The following HECW1 variants were observed in gnomAD, a reference collection of about 807,000 sequenced individuals.
HECW1 encodes E3 ubiquitin-protein ligase HECW1.
Under a neutral mutation model 182.3 loss-of-function variants are expected in HECW1, and 61 were observed. That is an observed-to-expected ratio of 0.33 (90% CI 0.27 to 0.41). The LOEUF (loss-of-function observed/expected upper bound fraction) is 0.41, where lower values mean the gene tolerates loss of function less well. Ranked by LOEUF, HECW1 falls within the 10% of genes least tolerant of loss-of-function variation. HECW1 has a pLI of 1.00. For synonymous variants in HECW1, 859 were observed against 832.6 expected, an observed-to-expected ratio of 1.03 and a Z score of -0.55; for missense variants, 1,739 against 2,108.9, an observed-to-expected ratio of 0.82 and a Z score of 3.44.
chr7:43,472,257 GA>G (rs2078051713), intron 16 of HECW1, among the ~76,000 whole-genome samples: 1 of 152,014 alleles, frequency 6.6e-6, no homozygotes, highest in Non-Finnish European at 1.5e-5. Flanking sequence ...TGCAAAAACT[GA>G]AAAAAGAAAA....
At chr7:43,188,854 C>T (rs1793645433) in intron 2 of HECW1, among the ~76,000 whole-genome samples, 1 of 152,154 alleles carries the variant, frequency 6.6e-6, no homozygotes, top group South Asian at 2.1e-4. Flanking sequence ...ACCCTCCTGC[C>T]ATCTTGTCAT....
chr7:43,510,934 C>G (rs957597830), intron 24 of HECW1: 1 of 152,326 alleles, frequency 6.6e-6, no homozygotes, highest in Non-Finnish European at 1.5e-5. Context: ...GCCTCCGTCA[C>G]TTTCCACAGT....
chr7:43,552,370 C>T (rs763574001), intron 28 of HECW1, 34 bp downstream of exon 28: 3 of 1,247,114 alleles, frequency 2.4e-6, no homozygotes, highest in Non-Finnish European at 3.5e-6. Flanking sequence ...ATGCAATGAT[C>T]ACAAATAGAA....
chr7:43,370,402 G>A (rs887408700), intron 6 of HECW1, among the ~76,000 whole-genome samples: 3 of 152,206 alleles, frequency 2.0e-5, no homozygotes, highest in Admixed American at 6.5e-5. Context: ...ATTGCTGGTG[G>A]AAATGCAAAA....
At position 43,565,056 on chromosome 7, in the gene HECW1, A is replaced by T. The variant is rs2082297933; in HGVS notation, c.*3130A>T. 1.0e-5 allele frequency: 2 copies of T among 192,618 alleles called. No homozygotes were observed. Among genetic ancestry groups the T allele is most frequent in the Non-Finnish European group, 2.2e-5 (2 of 92,440 alleles). 11.9% of individuals were successfully genotyped at this position (192,618 alleles called of 1,614,324 possible). On this transcript the variant is annotated 3_prime_UTR_variant, in exon 30 of 30. Coordinates refer to ENST00000395891, the MANE Select transcript of HECW1 (RefSeq NM_015052.5). ...GAAGATTTATGTTACAACTTTGAAA[A>T]ATGCTTTTAAAATTCTATAAAGTGT...
intron 6 of HECW1, among the ~76,000 whole-genome samples, chr7:43,365,832 G>A (rs1008196271): frequency 2.0e-5 from 3 of 152,114 alleles, no homozygotes; most frequent in Non-Finnish European, 4.4e-5. Context: ...AGTGGCTCAC[G>A]CCTGTAATCC....
At chr7:43,181,366 G>C (rs1014998852) in intron 2 of HECW1, among the ~76,000 whole-genome samples, 2 of 150,898 alleles carry the variant, frequency 1.3e-5, no homozygotes, top group Non-Finnish European at 2.9e-5. Context: ...TTCAGCAGTG[G>C]GATTGCTGGA....
At chr7:43,401,344 A>G (rs1368959893) in intron 7 of HECW1, among the ~76,000 whole-genome samples, 1 of 152,202 alleles carries the variant, frequency 6.6e-6, no homozygotes, top group African/African-American at 2.4e-5. Flanking sequence ...GGCAAAGTCC[A>G]AAAAGGACGA....
chr7:43,359,135 T>G (rs1343557472), intron 5 of HECW1, among the ~76,000 whole-genome samples: 3 of 152,202 alleles, frequency 2.0e-5, no homozygotes, highest in Admixed American at 6.5e-5. Flanking sequence ...CCATATCTTT[T>G]AACCTAAAGA....
intron 2 of HECW1, among the ~76,000 whole-genome samples, chr7:43,201,179 C>A (rs1473012205): frequency 6.6e-6 from 1 of 152,172 alleles, no homozygotes; most frequent in Non-Finnish European, 1.5e-5. Context: ...ATCAAAATGT[C>A]CCTTGACTGG....
intron 7 of HECW1, among the ~76,000 whole-genome samples, chr7:43,398,193 G>T (rs754497766): frequency 1.6e-4 from 25 of 152,074 alleles, no homozygotes; most frequent in Non-Finnish European, 3.2e-4. Context: ...GGAGGTGGAG[G>T]TTGCAGTGAG....
At chr7:43,279,318 T>G (rs1803587161) in intron 3 of HECW1, among the ~76,000 whole-genome samples, 1 of 152,220 alleles carries the variant, frequency 6.6e-6, no homozygotes. Context: ...AGGGATTACC[T>G]TACAGTTTCA....
intron 2 of HECW1, among the ~76,000 whole-genome samples, chr7:43,222,777 G>A (rs1291777432): frequency 6.6e-6 from 1 of 152,120 alleles, no homozygotes; most frequent in Non-Finnish European, 1.5e-5. Flanking sequence ...TTCCTTTGCA[G>A]GCTCCTCCTT....
At chr7:43,188,426 C>T (rs938182974) in intron 2 of HECW1, among the ~76,000 whole-genome samples, 1 of 152,110 alleles carries the variant, frequency 6.6e-6, no homozygotes, top group African/African-American at 2.4e-5. Context: ...AACTCAAGCA[C>T]ACCATCTACA....
rs113240115 is a variant in HECW1 at position 43,336,872 on chromosome 7, G to T, written c.460+16130G>T. 8.3e-3 allele frequency among the ~76,000 whole-genome samples: 1,263 copies of T among 152,212 alleles called. 19 individuals carry two copies. Among genetic ancestry groups the T allele is most frequent in the Non-Finnish European group, 8.4e-3 (572 of 68,008 alleles). ...CAGCTCCATCCACGTTGCTGCGAAG[G>T]ACATGATTTTATGTTTTATGGCTGT... On this transcript the variant is annotated intron_variant, in intron 5 of 29. Coordinates refer to ENST00000395891, the MANE Select transcript of HECW1 (RefSeq NM_015052.5).
At chr7:43,525,266 A>G (rs1346137021) in intron 24 of HECW1, among the ~76,000 whole-genome samples, 1 of 152,262 alleles carries the variant, frequency 6.6e-6, no homozygotes, top group Non-Finnish European at 1.5e-5. Context: ...TGGAACTATT[A>G]TTTAAATTAC....
intron 4 of HECW1, among the ~76,000 whole-genome samples, chr7:43,314,471 T>G (rs1584445525): frequency 6.9e-6 from 1 of 144,850 alleles, no homozygotes; most frequent in Admixed American, 6.9e-5. Context: ...GAAGAGGAGG[T>G]GGTGAAGGGG....
At position 43,323,597 on chromosome 7, in the gene HECW1, C is replaced by A. The variant is rs776562069; in HGVS notation, c.460+2855C>A. ...TCCAGCCTGGGCGGCAGAATGAGACCCTGTCTCATAAAACAAACACAACAA... is the reference window on the plus strand; with the variant it reads ...TCCAGCCTGGGCGGCAGAATGAGACACTGTCTCATAAAACAAACACAACAA... On this transcript the variant is annotated intron_variant, in intron 5 of 29. Coordinates refer to ENST00000395891, the MANE Select transcript of HECW1 (RefSeq NM_015052.5). 3.3e-5 allele frequency among the ~76,000 whole-genome samples: 5 copies of A among 152,046 alleles called. No homozygotes were observed. In the South Asian group the frequency reaches 1.0e-3, roughly 32 times the overall value.
At chr7:43,308,944 A>C (rs1808143992) in intron 3 of HECW1, among the ~76,000 whole-genome samples, 1 of 152,180 alleles carries the variant, frequency 6.6e-6, no homozygotes, top group African/African-American at 2.4e-5. Context: ...TTTATAAGCC[A>C]TCTTAAACCC....
Sources: gnomAD v4.1 joint callset for allele counts (sites outside exome capture counted in the v4.1 genomes callset) on GRCh38, gnomAD v4.1.1 for gene constraint, MANE v1.5 for transcripts, NCBI Gene and HGNC (gene_info 2026-07-23, HGNC 2026-07-21) for gene names.